NALF1: variants seen among roughly 807,000 people sequenced by gnomAD.
The protein encoded by NALF1 is NALCN channel auxiliary factor 1.
NALF1 carries 3 observed loss-of-function variants against 48.4 expected under a neutral mutation model. The ratio of observed to expected loss-of-function variants is 0.06; its 90% CI spans 0.03 to 0.16. The LOEUF (loss-of-function observed/expected upper bound fraction) is 0.16. Among genes scored for constraint, NALF1 ranks in the 10% least tolerant of loss-of-function variants. The pLI, the probability that NALF1 is intolerant of heterozygous loss-of-function variation, is 1.00. For missense variants in NALF1, 526 were observed against 571.5 expected (o/e 0.92, Z 0.81); for synonymous variants, 262 against 245.7 (o/e 1.07, Z -0.62).
rs1878701379 is a variant in NALF1, at chr13:107,167,964, T to A, written c.*2533A>T. ...CCTATATTTTAAGGAATACTGCTTT[T>A]CGTCATTTTGCTAAGTGTTTAGAAA... On this transcript the variant is annotated 3_prime_UTR_variant, in exon 3 of 3. Transcript: ENST00000375915. 1 of 152,238 alleles carries A rather than the reference T, an allele frequency of 6.6e-6. No homozygotes were observed. The allele number at this position is 152,238 out of a possible 1,614,324, so 9.4% of individuals were successfully genotyped here. A position where few individuals can be genotyped will look rare whatever the true frequency, so the allele number is the denominator to read the frequency against.
At chr13:107,269,740 G>A (rs1881116205) in intron 1 of NALF1, among the ~76,000 whole-genome samples, 2 of 152,014 alleles carry the variant, frequency 1.3e-5, no homozygotes. Context: ...CCTCCAGAGA[G>A]GGAGGAGACG....
chr13:107,782,974 T>G (rs886235859), intron 1 of NALF1, among the ~76,000 whole-genome samples: 22 of 88,542 alleles, frequency 2.5e-4, no homozygotes, highest in South Asian at 4.2e-4. Flanking sequence ...AGGTGGGGGG[T>G]CAGCCCCCCG....
At chr13:107,739,284 C>A (rs942625630) in intron 1 of NALF1, among the ~76,000 whole-genome samples, 2 of 151,592 alleles carry the variant, frequency 1.3e-5, no homozygotes, top group East Asian at 3.9e-4. Flanking sequence ...GTGTAACAAA[C>A]CCGCACGTCC....
chr13:107,243,428 G>C (rs1282078217), intron 1 of NALF1, among the ~76,000 whole-genome samples: 1 of 152,116 alleles, frequency 6.6e-6, no homozygotes, highest in Non-Finnish European at 1.5e-5. Flanking sequence ...GCTGCCACCA[G>C]TTCTTCCAGG....
At chr13:107,572,591 G>A (rs1878020764) in intron 1 of NALF1, among the ~76,000 whole-genome samples, 1 of 152,162 alleles carries the variant, frequency 6.6e-6, no homozygotes, top group African/African-American at 2.4e-5. Flanking sequence ...ACTGTGGCAG[G>A]AGAACTCGTC....
chr13:107,277,674 C>T (rs545350883), intron 1 of NALF1, among the ~76,000 whole-genome samples: 45 of 151,928 alleles, frequency 3.0e-4, no homozygotes, highest in African/African-American at 1.0e-3. Context: ...GGCTTCTCTC[C>T]TTCTCCATAT....
chr13:107,442,774 C>T (rs939913220), intron 1 of NALF1, among the ~76,000 whole-genome samples: 4 of 151,998 alleles, frequency 2.6e-5, no homozygotes, highest in Non-Finnish European at 4.4e-5. Context: ...TTTTAAAATG[C>T]TGGTGTAAAA....
chr13:107,255,658 T>C (rs1880799470), intron 1 of NALF1, among the ~76,000 whole-genome samples: 1 of 152,208 alleles, frequency 6.6e-6, no homozygotes, highest in Non-Finnish European at 1.5e-5. Flanking sequence ...ATATACCAAG[T>C]ATATACATTA....
intron 1 of NALF1, among the ~76,000 whole-genome samples, chr13:107,567,103 C>G (rs1402311565): frequency 6.6e-6 from 1 of 152,054 alleles, no homozygotes; most frequent in East Asian, 1.9e-4. Flanking sequence ...CTGTCTTCAA[C>G]AGTTTAATGA....
chr13:107,566,625 G>T (rs1274538501), intron 1 of NALF1, among the ~76,000 whole-genome samples: 1 of 152,162 alleles, frequency 6.6e-6, no homozygotes, highest in African/African-American at 2.4e-5. Flanking sequence ...TTCACGTTGT[G>T]GTTCCGTTTC....
At chr13:107,650,115 C>A (rs1056575981) in intron 1 of NALF1, among the ~76,000 whole-genome samples, 1 of 152,084 alleles carries the variant, frequency 6.6e-6, no homozygotes, top group Non-Finnish European at 1.5e-5. Flanking sequence ...AGTCAAAGAT[C>A]GGAGTTTTTG....
intron 1 of NALF1, among the ~76,000 whole-genome samples, chr13:107,421,074 C>CA (rs1368544668): frequency 2.0e-5 from 3 of 152,126 alleles, no homozygotes; most frequent in Non-Finnish European, 4.4e-5. Flanking sequence ...ACAGGCACTT[C>CA]AAATATGGAA....
intron 1 of NALF1, among the ~76,000 whole-genome samples, chr13:107,393,282 C>T (rs1192262638): frequency 1.3e-5 from 2 of 151,954 alleles, no homozygotes; most frequent in Non-Finnish European, 2.9e-5. Context: ...GATTTAAAAT[C>T]TAAAATCTAA....
At chr13:107,478,405 C>G (rs1332265984) in intron 1 of NALF1, among the ~76,000 whole-genome samples, 1 of 151,582 alleles carries the variant, frequency 6.6e-6, no homozygotes, top group African/African-American at 2.4e-5. Context: ...TAAAACGATT[C>G]AAAACAAAAA....
chr13:107,444,587 T>C lies in NALF1; in HGVS notation c.916-233832A>G, dbSNP rs370415782. ...AATAAACTTGAATGGACCCACATGA[T>C]CAAACAATCCCTTACTTGTTTTGAC... On this transcript the variant is annotated intron_variant, in intron 1 of 2. Transcript: ENST00000375915. Among the ~76,000 whole-genome samples, 58 of 152,308 alleles carry C rather than the reference T, an allele frequency of 3.8e-4. No homozygotes were observed. The South Asian group carries it at 0.012, about 30-fold the overall frequency.
chr13:107,319,346 T>G (rs368559461), intron 1 of NALF1, among the ~76,000 whole-genome samples: 3 of 152,100 alleles, frequency 2.0e-5, no homozygotes, highest in South Asian at 2.1e-4. Context: ...AAGGAGGTAT[T>G]CAGGGAAAGA....
At chr13:107,635,960 G>C (rs1387824334) in intron 1 of NALF1, among the ~76,000 whole-genome samples, 2 of 152,122 alleles carry the variant, frequency 1.3e-5, no homozygotes, top group Non-Finnish European at 2.9e-5. Flanking sequence ...AATCACATAA[G>C]TGAGCTGTAA....
rs551104289 is a variant in NALF1 at position 107,552,281 on chromosome 13, T to C, written c.915+313401A>G. ...GTCATTGCCTGCTACAGTCAACAAATGTTTCCTGAACAAATAAATAAATAG... is the reference window on the plus strand; with the variant it reads ...GTCATTGCCTGCTACAGTCAACAAACGTTTCCTGAACAAATAAATAAATAG... On this transcript the variant is annotated intron_variant, in intron 1 of 2. Coordinates refer to ENST00000375915, the MANE Select transcript of NALF1 (RefSeq NM_001080396.3). Among the ~76,000 whole-genome samples, 6 of 152,326 alleles carry C rather than the reference T, an allele frequency of 3.9e-5. No individual in the cohort carries two copies. In the East Asian group the frequency reaches 9.6e-4, roughly 24 times the overall value.
At position 107,412,148 on chromosome 13, in the gene NALF1, T is replaced by C. The variant is rs181118791; in HGVS notation, c.916-201393A>G. Reference sequence around the variant, plus strand: ...AGACAGAGACACCAGTAGGTCCAAATTTCCACGCGCTTAAACAATAGTTTC... The same window carrying C: ...AGACAGAGACACCAGTAGGTCCAAACTTCCACGCGCTTAAACAATAGTTTC... On this transcript the variant is annotated intron_variant, in intron 1 of 2. Transcript: ENST00000375915. 9.9e-4 allele frequency among the ~76,000 whole-genome samples: 151 copies of C among 152,226 alleles called. 1 individual carries two copies. Among genetic ancestry groups the C allele is most frequent in the African/African-American group, 3.4e-3 (143 of 41,538 alleles).
Sources: allele counts gnomAD v4.1 joint callset (sites outside exome capture counted in the v4.1 genomes callset), GRCh38; gene constraint gnomAD v4.1.1; transcripts MANE v1.5; gene names NCBI Gene and HGNC (gene_info 2026-07-23, HGNC 2026-07-21).